SCN10A: variants seen among roughly 807,000 people sequenced by gnomAD.
SCN10A encodes the protein sodium channel protein type 10 subunit alpha.
In SCN10A, 162 loss-of-function variants were observed where a neutral mutation model predicts 170.7. That is an observed-to-expected ratio of 0.95 (90% CI 0.84 to 1.08). The LOEUF (loss-of-function observed/expected upper bound fraction) is 1.08, where lower values mean the gene tolerates loss of function less well. SCN10A is among the 50% of genes least tolerant of loss of function. The pLI is 0.00. For synonymous variants in SCN10A, 985 were observed against 904.6 expected (o/e 1.09, Z -1.59); for missense variants, 2,527 against 2,436.9 (o/e 1.04, Z -0.78).
At chr3:38,707,167 C>T (rs563568347) in intron 26 of SCN10A, 112 bp downstream of exon 26, 2 of 1,159,910 alleles carry the variant, frequency 1.7e-6, no homozygotes, top group East Asian at 4.7e-5. Flanking sequence ...AACGTCAACC[C>T]AGATCTTCTC....
At chr3:38,741,010 C>T (rs947428093) in intron 14 of SCN10A, among the ~76,000 whole-genome samples, 4 of 152,146 alleles carry the variant, frequency 2.6e-5, no homozygotes, top group African/African-American at 7.2e-5. Flanking sequence ...GCTGCCAAAA[C>T]ATGAGGCATG....
chr3:38,757,219 G>T, intron 8 of SCN10A, 60 bp from the exon 9 acceptor site: 1 of 1,499,622 alleles, frequency 6.7e-7, no homozygotes, highest in Non-Finnish European at 9.0e-7. Flanking sequence ...GCCCAGGGCT[G>T]CGAGACAACC....
Position 38,710,849 on chromosome 3 carries a change from G to A in SCN10A, c.4138C>T (p.Arg1380Trp), listed in dbSNP as rs371600996. Reference sequence around the variant, plus strand: ...GACAGTGGGCTGAGACTCACCTCCCGGGAATCAACAGCTGCATACATAATG... The same window carrying A: ...GACAGTGGGCTGAGACTCACCTCCCAGGAATCAACAGCTGCATACATAATG... ...MDIMYAAVDSREVNMQPKWED... is the reference protein window; with the variant it reads ...MDIMYAAVDSWEVNMQPKWED... Residue 1380 changes from arginine to tryptophan, a missense_variant, in exon 24 of 28, where the codon CGG (arginine) becomes TGG (tryptophan). Physicochemically the swap from Arg to Trp is moderately radical, Grantham distance 101 (BLOSUM62 -3). Transcript: ENST00000449082. 19 of 1,613,296 alleles carry A rather than the reference G, an allele frequency of 1.2e-5. No homozygotes were observed. In the Middle Eastern group the frequency reaches 4.9e-4, roughly 42 times the overall value.
chr3:38,754,371 G>C (rs942964672), intron 11 of SCN10A, among the ~76,000 whole-genome samples: 2 of 152,172 alleles, frequency 1.3e-5, no homozygotes, highest in African/African-American at 4.8e-5. Flanking sequence ...GAAATCCTTA[G>C]GGAAAAGAAC....
intron 14 of SCN10A, among the ~76,000 whole-genome samples, chr3:38,742,067 G>T (rs1222136501): frequency 6.6e-6 from 1 of 152,194 alleles, no homozygotes; most frequent in African/African-American, 2.4e-5. Context: ...TCCTGTGCTT[G>T]TTCATCCCAA....
At chr3:38,794,114 T>C (rs2064321706) in intron 1 of SCN10A, 72 bp from the exon 2 acceptor site, 4 of 1,071,556 alleles carry the variant, frequency 3.7e-6, no homozygotes, top group Non-Finnish European at 5.6e-6. Context: ...ATCTGTCCCA[T>C]CTTGATTGTC....
At chr3:38,729,113 A>G (rs1315811439) in intron 15 of SCN10A, among the ~76,000 whole-genome samples, 1 of 152,170 alleles carries the variant, frequency 6.6e-6, no homozygotes, top group Non-Finnish European at 1.5e-5. Context: ...ATAAGTATCA[A>G]TGTGCTTCAT....
In SCN10A at chr3:38,742,474, C is replaced by G; in HGVS notation, c.1923G>C (p.Lys641Asn). 6.2e-7 allele frequency: 1 copy of G among 1,614,176 alleles called. No individual in the cohort carries two copies. The highest frequency in any genetic ancestry group is 1.3e-5 in the African/African-American group (1 of 75,042). ...CPPCLTSLSQ[K>N]YLIWDCCPMW... ...TGGGGCAGCAATCCCAGATCAGATA[C>G]TTCTGAGACAAGCTGGTCAAGCAGG... The change falls in exon 14 of 28, where the codon AAG becomes AAC. Residue 641 changes from lysine to asparagine, a missense_variant. Physicochemically the swap from Lys to Asn is moderately conservative, Grantham distance 94 (BLOSUM62 0). Transcript: ENST00000449082.
At chr3:38,749,626 C>G (rs1179157827) in intron 13 of SCN10A, among the ~76,000 whole-genome samples, 1 of 152,112 alleles carries the variant, frequency 6.6e-6, no homozygotes, top group Non-Finnish European at 1.5e-5. Flanking sequence ...ATAATGTGGG[C>G]TTGAACAAGA....
chr3:38,726,834 GA>G lies in SCN10A; in HGVS notation c.2858del (p.Leu953ProfsTer72). 1 of 1,613,920 alleles carries G rather than the reference GA, an allele frequency of 6.2e-7. No individual in the cohort carries two copies. The highest frequency in any genetic ancestry group is 8.5e-7 in the Non-Finnish European group (1 of 1,179,804). ...AEPELVVKLPLSSSKAENHIA... is the reference protein window; with the variant it reads ...AEPELVVKLPXSSSKAENHIA... ...TGTGGTTCTCAGCCTTGGAGCTGGA[GA>G]GTGGGAGTTTCACCACCAGCTCAGG... is the stretch of plus-strand genomic sequence containing the variant. On this transcript the variant is annotated frameshift_variant, in exon 17 of 28. Coordinates refer to ENST00000449082, the MANE Select transcript of SCN10A (RefSeq NM_006514.4). LOFTEE classifies it high-confidence loss of function.
At chr3:38,757,637 C>A (rs2063823365) in intron 8 of SCN10A, among the ~76,000 whole-genome samples, 1 of 152,196 alleles carries the variant, frequency 6.6e-6, no homozygotes, top group South Asian at 2.1e-4. Context: ...AAGTGCTTTA[C>A]AAACACTATA....
At chr3:38,741,601 C>A (rs2063633051) in intron 14 of SCN10A, among the ~76,000 whole-genome samples, 2 of 152,148 alleles carry the variant, frequency 1.3e-5, no homozygotes, top group South Asian at 4.1e-4. Flanking sequence ...CAGTTGTTGT[C>A]CCTCTGAGTC....
In SCN10A at chr3:38,742,405, A is replaced by T. The variant is rs752975240; in HGVS notation, c.1992T>A (p.Asp664Glu). Residue 664 changes from aspartate (D) to glutamate (E), a missense_variant, in exon 14 of 28, where the codon GAT (aspartate) becomes GAA (glutamate). Transcript: ENST00000449082. The stretch of plus-strand genomic sequence containing the variant: ...AGGTGATGGTGAGCTCTGCAAAGGG[A>T]TCCGTCACAAGCCCAAAGAGAATTG... ...LKTILFGLVT[D>E]PFAELTITLC... 1.2e-6 allele frequency: 2 copies of T among 1,614,122 alleles called. No homozygotes were observed. The highest frequency in any genetic ancestry group is 1.3e-5 in the African/African-American group (1 of 75,032).
chr3:38,717,556 C>T (rs1027092543), intron 21 of SCN10A, among the ~76,000 whole-genome samples: 3 of 152,350 alleles, frequency 2.0e-5, no homozygotes, highest in South Asian at 2.1e-4. Flanking sequence ...GTACAGTGGC[C>T]TGAAGCTGCT....
chr3:38,807,465 T>C (rs544868559), intron 1 of SCN10A, among the ~76,000 whole-genome samples: 2 of 152,292 alleles, frequency 1.3e-5, no homozygotes, highest in South Asian at 4.1e-4. Flanking sequence ...CAATTCCAGA[T>C]AAACTTTTAT....
At chr3:38,722,138 C>G (rs2063396258) in intron 20 of SCN10A, 120 bp downstream of exon 20, 1 of 967,980 alleles carries the variant, frequency 1.0e-6, no homozygotes, top group Non-Finnish European at 1.5e-6. Flanking sequence ...CTTCTAGTGA[C>G]AAGGTTGGGG....
intron 5 of SCN10A, among the ~76,000 whole-genome samples, chr3:38,765,586 C>G (rs1362652638): frequency 6.6e-6 from 1 of 151,948 alleles, no homozygotes; most frequent in African/African-American, 2.4e-5. Context: ...ATTTTTATAC[C>G]AGTATCATGC....
chr3:38,790,971 G>A (rs967905675), intron 3 of SCN10A, among the ~76,000 whole-genome samples: 1 of 152,154 alleles, frequency 6.6e-6, no homozygotes, highest in South Asian at 2.1e-4. Context: ...AAGAGAAAAC[G>A]TAATGCAACT....
rs1169871700 is a variant in SCN10A, at chr3:38,742,316, T to A, written c.2081A>T (p.Glu694Val). 3.1e-6 allele frequency: 5 copies of A among 1,613,966 alleles called. No homozygotes were observed. The highest frequency in any genetic ancestry group is 4.2e-6 in the Non-Finnish European group (5 of 1,179,930). Reference protein sequence around the residue: ...MEHHGMSPTFEAMLQIGNIVF... With the variant: ...MEHHGMSPTFVAMLQIGNIVF... ...GATGTTGCCTATCTGGAGCATGGCTTCGAAGGTAGGGCTCATGCCATGGTG... is the reference window on the plus strand; with the variant it reads ...GATGTTGCCTATCTGGAGCATGGCTACGAAGGTAGGGCTCATGCCATGGTG... Residue 694 changes from glutamate to valine, a missense_variant, in exon 14 of 28, where the codon GAA (glutamate) becomes GTA (valine). Transcript: ENST00000449082.
Sources: allele counts gnomAD v4.1 joint callset (sites outside exome capture counted in the v4.1 genomes callset), GRCh38; gene constraint gnomAD v4.1.1; transcripts MANE v1.5; gene names NCBI Gene and HGNC (gene_info 2026-07-23, HGNC 2026-07-21).